SETDB2: variants seen among roughly 807,000 people sequenced by gnomAD.
SETDB2 encodes the protein histone-lysine N-methyltransferase SETDB2.
Under a neutral mutation model 82.5 loss-of-function variants are expected in SETDB2, and 56 were observed. The observed-to-expected ratio is 0.68, with a 90% CI of 0.55 to 0.85. SETDB2 has a LOEUF of 0.85. Among genes scored for constraint, SETDB2 ranks in the 40% least tolerant of loss-of-function variants. The pLI is 0.00. For synonymous variants in SETDB2, 272 were observed against 284.9 expected (o/e 0.95, Z 0.46); for missense variants, 677 against 816.4 (o/e 0.83, Z 2.08).
At chr13:49,471,145 A>AT (rs34400700) in intron 5 of SETDB2, among the ~76,000 whole-genome samples, 70,374 of 142,536 alleles carry the variant, frequency 0.49, 17,128 homozygotes, top group Middle Eastern at 0.56. Flanking sequence ...AATTTTTAAC[A>AT]TTTTTTTTTT....
At chr13:49,471,913 C>CATATATAT (rs1232849321) in intron 5 of SETDB2, among the ~76,000 whole-genome samples, 101 of 107,708 alleles carry the variant, frequency 9.4e-4, no homozygotes, top group Middle Eastern at 9.5e-3. Flanking sequence ...TCTCATGTGA[C>CATATATAT]ATATATATAT....
intron 4 of SETDB2, among the ~76,000 whole-genome samples, chr13:49,464,229 G>A (rs760357800): frequency 6.6e-6 from 1 of 152,212 alleles, no homozygotes; most frequent in Non-Finnish European, 1.5e-5. Flanking sequence ...TCCCTGATTA[G>A]ATGAAATCAT....
Position 49,476,986 on chromosome 13 carries a change from CT to C in SETDB2, c.820del (p.Ser274ProfsTer15). 6.2e-7 allele frequency: 1 copy of C among 1,612,444 alleles called. No individual in the cohort carries two copies. Among genetic ancestry groups the C allele is most frequent in the Non-Finnish European group, 8.5e-7 (1 of 1,179,760 alleles). On this transcript the variant is annotated frameshift_variant, in exon 6 of 14. Transcript: ENST00000611815. LOFTEE classifies it high-confidence loss of function. ...GGCCTCGAGCATATAATCTAACCAACTTTTCCAGCATGTTTACTGATTCCTG... is the reference window on the plus strand; with the variant it reads ...GGCCTCGAGCATATAATCTAACCAACTTTCCAGCATGTTTACTGATTCCTG... Reference protein sequence around the residue: ...VWPRAYNLTNFSSMFTDSCDC... With the variant: ...VWPRAYNLTNXSSMFTDSCDC...
chr13:49,467,172 C>T (rs1239217549), intron 4 of SETDB2, among the ~76,000 whole-genome samples: 5 of 151,952 alleles, frequency 3.3e-5, no homozygotes, highest in Non-Finnish European at 5.9e-5. Flanking sequence ...CCCAGGTGCA[C>T]GGATCACTTG....
intron 6 of SETDB2, among the ~76,000 whole-genome samples, chr13:49,477,608 A>G (rs749738133): frequency 4.6e-5 from 7 of 152,218 alleles, no homozygotes; most frequent in Non-Finnish European, 7.3e-5. Flanking sequence ...AATCAATGGC[A>G]TTACAACAAA....
Position 49,449,603 on chromosome 13 carries a change from G to T in SETDB2, c.-341-1950G>T, listed in dbSNP as rs138873743. ...AAGTTGATTAACTTTACATTTCACA[G>T]TTCTTAAATTTATGTTTTCTTAACA... On this transcript the variant is annotated intron_variant, in intron 1 of 13. Transcript: ENST00000611815. Among the ~76,000 whole-genome samples, 26 of 152,022 alleles carry T rather than the reference G, an allele frequency of 1.7e-4. No individual in the cohort carries two copies. The East Asian group carries it at 5.0e-3, about 29-fold the overall frequency.
intron 2 of SETDB2, among the ~76,000 whole-genome samples, chr13:49,452,427 G>A (rs774223513): frequency 7.9e-5 from 12 of 152,140 alleles, no homozygotes; most frequent in Non-Finnish European, 1.5e-4. Flanking sequence ...CACTGCACCT[G>A]GCCAAAATAC....
chr13:49,488,370 A>G lies in SETDB2; in HGVS notation c.1657A>G (p.Arg553Gly). 2 of 1,612,360 alleles carry G rather than the reference A, an allele frequency of 1.2e-6. No homozygotes were observed. The highest frequency in any genetic ancestry group is 3.3e-4 in the Middle Eastern group (2 of 6,056). The change falls in exon 12 of 14, where the codon AGA (arginine) becomes GGA (glycine). Residue 553 changes from arginine (R) to glycine (G), a missense_variant. By Grantham distance (125) the Arg-to-Gly change is moderately radical (BLOSUM62 -2). This residue lies in a region of SETDB2 where 420 missense variants were observed against 554.6 expected (regional missense o/e 0.76). Transcript: ENST00000611815. Reference protein sequence around the residue: ...ESDVIDITKYREETPPRSRCN... With the variant: ...ESDVIDITKYGEETPPRSRCN... ...AGATGTGATAGATATAACTAAATAT[A>G]GAGAAGAAACTCCACCAAGGAGCAG...
chr13:49,488,253 T>C, intron 11 of SETDB2, 37 bp from the exon 12 acceptor site: 1 of 1,534,890 alleles, frequency 6.5e-7, no homozygotes, highest in Admixed American at 2.2e-5. Flanking sequence ...GCTCAGCAAG[T>C]ATATTTCCTG....
At chr13:49,460,319 T>C in intron 3 of SETDB2, 87 bp downstream of exon 3, 2 of 1,347,190 alleles carry the variant, frequency 1.5e-6, no homozygotes, top group Non-Finnish European at 2.0e-6. Flanking sequence ...AATATTGCTG[T>C]TTGTAAAAGT....
At chr13:49,482,380 C>A in intron 8 of SETDB2, 2 of 936,578 alleles carry the variant, frequency 2.1e-6, no homozygotes, top group Non-Finnish European at 2.5e-6. Flanking sequence ...CAGATGATAA[C>A]GCCTTTTTAA....
chr13:49,459,437 T>C (rs944750740), intron 2 of SETDB2, among the ~76,000 whole-genome samples: 1 of 152,228 alleles, frequency 6.6e-6, no homozygotes, highest in African/African-American at 2.4e-5. Flanking sequence ...ATTTTATACA[T>C]TGTAACATTG....
intron 4 of SETDB2, among the ~76,000 whole-genome samples, chr13:49,466,114 T>G (rs1017722387): frequency 6.6e-6 from 1 of 152,162 alleles, no homozygotes; most frequent in Non-Finnish European, 1.5e-5. Flanking sequence ...TTTCTCCATA[T>G]CATTTAGACT....
chr13:49,447,314 A>G (rs59219721), intron 1 of SETDB2, among the ~76,000 whole-genome samples: 1,710 of 151,974 alleles, frequency 0.011, 28 homozygotes, highest in African/African-American at 0.039. Context: ...TTGGCTTTTG[A>G]CTTTTTGTTA....
intron 1 of SETDB2, among the ~76,000 whole-genome samples, chr13:49,449,118 T>C (rs1957743646): frequency 6.6e-6 from 1 of 152,240 alleles, no homozygotes; most frequent in South Asian, 2.1e-4. Context: ...ATATCATATC[T>C]GGGTTTTGCT....
chr13:49,477,587 C>T (rs1566170065), intron 6 of SETDB2, among the ~76,000 whole-genome samples: 1 of 152,170 alleles, frequency 6.6e-6, no homozygotes, highest in Non-Finnish European at 1.5e-5. Flanking sequence ...AGTACTAATA[C>T]ATTAAAAGAT....
intron 8 of SETDB2, chr13:49,481,889 C>T (rs1384859160): frequency 1.5e-5 from 3 of 201,846 alleles, no homozygotes; most frequent in Non-Finnish European, 2.6e-5. Flanking sequence ...GAAAATTACT[C>T]ATCTGAAAAA....
At chr13:49,448,615 A>G (rs746724983) in intron 1 of SETDB2, among the ~76,000 whole-genome samples, 75 of 152,168 alleles carry the variant, frequency 4.9e-4, no homozygotes, top group Non-Finnish European at 7.4e-4. Context: ...GATTTACTAC[A>G]TTCAGTGACT....
chr13:49,458,939 A>C (rs1201272170), intron 2 of SETDB2, among the ~76,000 whole-genome samples: 1 of 152,242 alleles, frequency 6.6e-6, no homozygotes. Context: ...GGTGCTTAGC[A>C]TGGCACATAG....
Sources: gnomAD v4.1 joint callset for allele counts (sites outside exome capture counted in the v4.1 genomes callset) on GRCh38, gnomAD v4.1.1 for gene constraint, gnomAD v4.1.1 regional missense constraint, MANE v1.5 for transcripts, NCBI Gene and HGNC (gene_info 2026-07-23, HGNC 2026-07-21) for gene names.